PON3: variants seen among roughly 807,000 people sequenced by gnomAD.
The protein encoded by PON3 is paraoxonase 3, also known as serum paraoxonase/lactonase 3.
A neutral mutation model predicts 36.3 loss-of-function variants in PON3; 37 were observed. The observed-to-expected ratio is 1.02, with a 90% CI of 0.78 to 1.34. The LOEUF (loss-of-function observed/expected upper bound fraction) is 1.34. Among genes scored for constraint, PON3 ranks in the 40% most tolerant of loss-of-function variants. The pLI, the probability that PON3 is intolerant of heterozygous loss-of-function variation, is 0.00. For missense variants in PON3, 415 were observed against 426.5 expected (o/e 0.97, Z 0.24); for synonymous variants, 155 against 154.8 (o/e 1.00, Z -0.01).
At chr7:95,381,040 C>A (rs1025317468) in intron 3 of PON3, among the ~76,000 whole-genome samples, 1 of 152,126 alleles carries the variant, frequency 6.6e-6, no homozygotes, top group East Asian at 1.9e-4. Flanking sequence ...AGGGTGGGGG[C>A]CAATATTCAA....
chr7:95,384,590 C>T (rs1433176119), intron 3 of PON3, among the ~76,000 whole-genome samples: 1 of 152,132 alleles, frequency 6.6e-6, no homozygotes, highest in Non-Finnish European at 1.5e-5. Flanking sequence ...CCAACAGACC[C>T]ATGAAAAAAT....
chr7:95,372,462 G>T, intron 3 of PON3, 124 bp from the exon 4 acceptor site: 1 of 1,063,532 alleles, frequency 9.4e-7, no homozygotes. Context: ...AGATTACTGG[G>T]CTTTTTCACT....
At position 95,370,287 on chromosome 7, in the gene PON3, G is replaced by C. The variant is rs1033852525; in HGVS notation, c.367+1886C>G. 3.9e-5 allele frequency among the ~76,000 whole-genome samples: 6 copies of C among 152,182 alleles called. No homozygotes were observed. The East Asian group carries it at 1.2e-3, about 29-fold the overall frequency. ...ACAGTTGGGGGCCCATGCAGAATCA[G>C]GGAAGGCATGCTGGGGCCTTGAACT... is the stretch of plus-strand genomic sequence containing the variant. On this transcript the variant is annotated intron_variant, in intron 4 of 8. Coordinates refer to ENST00000265627, the MANE Select transcript of PON3 (RefSeq NM_000940.3).
chr7:95,371,716 C>A (rs528783733), intron 4 of PON3, among the ~76,000 whole-genome samples: 2 of 152,290 alleles, frequency 1.3e-5, no homozygotes, highest in African/African-American at 4.8e-5. Flanking sequence ...ATATGATTTA[C>A]AAATACTATC....
intron 4 of PON3, 123 bp downstream of exon 4, chr7:95,372,050 A>C (rs981729203): frequency 2.1e-5 from 25 of 1,205,048 alleles, no homozygotes; most frequent in Non-Finnish European, 2.9e-5. Flanking sequence ...TCATTTAAAA[A>C]AAACACATCT....
chr7:95,375,852 G>A (rs185268907), intron 3 of PON3, among the ~76,000 whole-genome samples: 1 of 152,344 alleles, frequency 6.6e-6, no homozygotes, highest in African/African-American at 2.4e-5. Context: ...ATTCACTGGT[G>A]AAAGTGATGA....
intron 3 of PON3, among the ~76,000 whole-genome samples, chr7:95,376,458 T>C (rs1019433381): frequency 6.6e-6 from 1 of 152,190 alleles, no homozygotes; most frequent in Non-Finnish European, 1.5e-5. Context: ...CTGAATTTAT[T>C]ACAGTGCAGA....
intron 4 of PON3, among the ~76,000 whole-genome samples, chr7:95,369,955 C>A (rs1808775005): frequency 6.6e-6 from 1 of 152,110 alleles, no homozygotes; most frequent in Non-Finnish European, 1.5e-5. Flanking sequence ...GACGGACATT[C>A]CAGGCAGAGG....
chr7:95,396,341 G>A lies in PON3; in HGVS notation c.10C>T (p.Leu4Phe). ...ACCCCCAGCAGGACCAGCGCCACGA[G>A]CTTCCCCATGGTCTCGGGGTGCCCA... MGK[L>F]VALVLLGVGL... The change falls in exon 1 of 9, where the codon CTC becomes TTC. Residue 4 changes from leucine to phenylalanine, a missense_variant. Leu to Phe is a conservative substitution (Grantham distance 22, BLOSUM62 0). Coordinates refer to ENST00000265627, the MANE Select transcript of PON3 (RefSeq NM_000940.3). 6.2e-7 allele frequency: 1 copy of A among 1,613,972 alleles called. No individual in the cohort carries two copies. Among genetic ancestry groups the A allele is most frequent in the Non-Finnish European group, 8.5e-7 (1 of 1,179,944 alleles).
chr7:95,373,286 T>G (rs1808848889), intron 3 of PON3, among the ~76,000 whole-genome samples: 1 of 152,176 alleles, frequency 6.6e-6, no homozygotes, highest in African/African-American at 2.4e-5. Flanking sequence ...CACGTACACA[T>G]ACACTTATGA....
Position 95,390,106 on chromosome 7 carries a change from C to A in PON3, c.201+48G>T, listed in dbSNP as rs375891069. 2.0e-5 allele frequency: 31 copies of A among 1,522,988 alleles called. No individual in the cohort carries two copies. The African/African-American group carries it at 3.4e-4, about 17-fold the overall frequency. 94.3% of individuals were successfully genotyped at this position (1,522,988 alleles called of 1,614,324 possible). ...CCAGAGGACAACATTAATGCACTGT[C>A]TATACAGCTATTGATGTGAGCATGA... On this transcript the variant is annotated intron_variant, in intron 3 of 8. Coordinates refer to ENST00000265627, the MANE Select transcript of PON3 (RefSeq NM_000940.3).
At chr7:95,389,121 T>G (rs1809263384) in intron 3 of PON3, among the ~76,000 whole-genome samples, 1 of 152,156 alleles carries the variant, frequency 6.6e-6, no homozygotes, top group South Asian at 2.1e-4. Flanking sequence ...ATAGAAAATT[T>G]AGGTCAACAA....
At chr7:95,389,168 G>C (rs1470942784) in intron 3 of PON3, among the ~76,000 whole-genome samples, 3 of 152,092 alleles carry the variant, frequency 2.0e-5, no homozygotes, top group Non-Finnish European at 2.9e-5. Flanking sequence ...TTTTATCCTT[G>C]ATTTTGATGG....
intron 4 of PON3, among the ~76,000 whole-genome samples, chr7:95,368,168 A>T (rs1205429798): frequency 2.6e-5 from 4 of 152,196 alleles, no homozygotes; most frequent in African/African-American, 9.7e-5. Context: ...GCCTCTGAGA[A>T]TGCTGTCTTC....
At chr7:95,369,110 TC>T (rs1467850257) in intron 4 of PON3, among the ~76,000 whole-genome samples, 2 of 152,216 alleles carry the variant, frequency 1.3e-5, no homozygotes, top group African/African-American at 2.4e-5. Flanking sequence ...TTCACTGCAT[TC>T]CTCTAAACTT....
At chr7:95,380,427 T>A (rs1809020763) in intron 3 of PON3, among the ~76,000 whole-genome samples, 1 of 151,958 alleles carries the variant, frequency 6.6e-6, no homozygotes, top group African/African-American at 2.4e-5. Flanking sequence ...AAGTTCAAAC[T>A]CATGACAAAG....
chr7:95,362,546 C>T, intron 7 of PON3, 56 bp from the exon 8 acceptor site: 2 of 1,609,804 alleles, frequency 1.2e-6, no homozygotes, highest in Non-Finnish European at 1.7e-6. Context: ...TCGCTTTCTT[C>T]CCTATTCATC....
At chr7:95,381,425 A>G (rs1416463926) in intron 3 of PON3, among the ~76,000 whole-genome samples, 1 of 152,204 alleles carries the variant, frequency 6.6e-6, no homozygotes, top group Non-Finnish European at 1.5e-5. Context: ...ATAAAGAGTC[A>G]AGACCCATCA....
In PON3 at chr7:95,360,129, T is replaced by C. The variant is rs1808534183; in HGVS notation, c.909A>G (p.Val303=). The C allele has an allele frequency of 6.2e-7, 1 of 1,612,562 alleles. No individual in the cohort carries two copies. Among genetic ancestry groups the C allele is most frequent in the African/African-American group, 1.3e-5 (1 of 74,884 alleles). The change falls in exon 9 of 9, where the codon GTA becomes GTG. Residue 303 remains valine (V), a splice_region_variant and synonymous_variant. Coordinates refer to ENST00000265627, the MANE Select transcript of PON3 (RefSeq NM_000940.3). ...YNPEDPPGSE[V]LRIQNVLSEK... is the part of the protein sequence containing the mutation. ...CAGACAAAACATTCTGGATGCGAAGTACCTGTCGAGAAAAGATCGTTTATT... is the reference window on the plus strand; with the variant it reads ...CAGACAAAACATTCTGGATGCGAAGCACCTGTCGAGAAAAGATCGTTTATT...
Sources: gnomAD v4.1 joint callset for allele counts (sites outside exome capture counted in the v4.1 genomes callset) on GRCh38, gnomAD v4.1.1 for gene constraint, MANE v1.5 for transcripts, NCBI Gene and HGNC (gene_info 2026-07-23, HGNC 2026-07-21) for gene names.